DAB1: variants seen among roughly 807,000 people sequenced by gnomAD.
DAB1 encodes disabled homolog 1.
Under a neutral mutation model 64.6 loss-of-function variants are expected in DAB1, and 15 were observed. The ratio of observed to expected loss-of-function variants is 0.23; its 90% CI spans 0.16 to 0.36. DAB1 has a LOEUF of 0.36. Among genes scored for constraint, DAB1 ranks in the 10% least tolerant of loss-of-function variants. The pLI is 1.00. For missense variants in DAB1, 596 were observed against 706.7 expected (o/e 0.84, Z 1.78); for synonymous variants, 235 against 251.9 (o/e 0.93, Z 0.64).
rs1402252006 is a variant in DAB1, at chr1:58,249,432, A to T, written n.309+93920T>A. 4.0e-5 allele frequency among the ~76,000 whole-genome samples: 6 copies of T among 151,678 alleles called. 1 individual carries two copies. In the South Asian group the frequency reaches 1.0e-3, roughly 26 times the overall value. On this transcript the variant is annotated intron_variant and non_coding_transcript_variant, in intron 4 of 20. Transcript: ENST00000485760. ...GCCTAATTGGTCACTAATCTAATTG[A>T]TCAATCATCTCATTTTTCAAAGCAG...
intron 7 of DAB1, among the ~76,000 whole-genome samples, chr1:57,612,418 G>A (rs1022974287): frequency 6.6e-6 from 1 of 152,046 alleles, no homozygotes; most frequent in East Asian, 1.9e-4. Context: ...GAATTATCTG[G>A]GTGGGCCCAA....
intron 8 of DAB1, 82 bp from the exon 9 acceptor site, chr1:57,063,025 A>C: frequency 8.0e-7 from 1 of 1,248,042 alleles, no homozygotes; most frequent in Non-Finnish European, 1.2e-6. Context: ...CTTCAACTGC[A>C]AGCTGGCTAA....
chr1:58,298,521 C>T (rs1050031695), intron 4 of DAB1, among the ~76,000 whole-genome samples: 1 of 152,246 alleles, frequency 6.6e-6, no homozygotes, highest in Non-Finnish European at 1.5e-5. Context: ...ACAACATGTA[C>T]AGCCTGCAGA....
intron 4 of DAB1, among the ~76,000 whole-genome samples, chr1:58,152,899 C>G (rs1460383019): frequency 2.0e-5 from 3 of 152,128 alleles, no homozygotes; most frequent in Non-Finnish European, 2.9e-5. Flanking sequence ...GTGGCCGGTC[C>G]AAATCACACA....
chr1:58,351,973 C>T (rs974398482), intron 3 of DAB1, among the ~76,000 whole-genome samples: 1 of 150,962 alleles, frequency 6.6e-6, no homozygotes, highest in Non-Finnish European at 1.5e-5. Flanking sequence ...AGTGAAATGA[C>T]TGAATTGCAC....
intron 5 of DAB1, among the ~76,000 whole-genome samples, chr1:58,118,648 G>A (rs894409618): frequency 1.4e-5 from 2 of 139,708 alleles, no homozygotes; most frequent in African/African-American, 5.4e-5. Flanking sequence ...TAAAGATCCT[G>A]TAGCAATACA....
chr1:57,243,410 C>T (rs1269610811), intron 2 of DAB1, among the ~76,000 whole-genome samples: 1 of 152,058 alleles, frequency 6.6e-6, no homozygotes, highest in Non-Finnish European at 1.5e-5. Context: ...ACTTTTTGCC[C>T]CTCAACTCTC....
At chr1:58,287,331 A>T (rs544861380) in intron 4 of DAB1, among the ~76,000 whole-genome samples, 5 of 152,288 alleles carry the variant, frequency 3.3e-5, no homozygotes, top group African/African-American at 4.8e-5. Context: ...CTTAAAATTT[A>T]AAAAAAGATA....
chr1:58,089,033 A>G (rs556815257), intron 5 of DAB1, among the ~76,000 whole-genome samples: 1 of 152,374 alleles, frequency 6.6e-6, no homozygotes, highest in South Asian at 2.1e-4. Flanking sequence ...ACAACGCAGC[A>G]AAATAGGGCA....
chr1:57,485,984 T>C (rs1003081529), intron 7 of DAB1, among the ~76,000 whole-genome samples: 1 of 152,212 alleles, frequency 6.6e-6, no homozygotes, highest in African/African-American at 2.4e-5. Flanking sequence ...CACTGTCTCC[T>C]CTAAGATTTG....
At chr1:57,625,405 G>A (rs1471788654) in intron 7 of DAB1, among the ~76,000 whole-genome samples, 1 of 152,096 alleles carries the variant, frequency 6.6e-6, no homozygotes, top group African/African-American at 2.4e-5. Flanking sequence ...CACTGGGCTA[G>A]GCACTAGCAG....
chr1:57,697,865 T>G (rs1233685272), intron 6 of DAB1, among the ~76,000 whole-genome samples: 1 of 152,128 alleles, frequency 6.6e-6, no homozygotes, highest in Non-Finnish European at 1.5e-5. Context: ...GTTTTCTCAT[T>G]GCCCACAGGA....
chr1:57,427,878 G>C (rs1191827021), upstream of DAB1, among the ~76,000 whole-genome samples: 1 of 152,036 alleles, frequency 6.6e-6, no homozygotes, highest in Non-Finnish European at 1.5e-5. Context: ...TAAGATCTAC[G>C]CTCTTAGGGC....
chr1:57,412,041 C>T (rs1283896061), intron 1 of DAB1, among the ~76,000 whole-genome samples: 3 of 152,204 alleles, frequency 2.0e-5, no homozygotes, highest in Non-Finnish European at 4.4e-5. Flanking sequence ...TCTCACAATG[C>T]TTCAAGCGTT....
chr1:57,886,268 C>T (rs1015777210), upstream of DAB1, among the ~76,000 whole-genome samples: 1 of 151,756 alleles, frequency 6.6e-6, no homozygotes, highest in African/African-American at 2.4e-5. Context: ...AAGCAATTCT[C>T]CTGCCTCAGC....
At chr1:58,018,518 G>A (rs570153866) in intron 5 of DAB1, among the ~76,000 whole-genome samples, 3 of 152,284 alleles carry the variant, frequency 2.0e-5, no homozygotes, top group African/African-American at 2.4e-5. Flanking sequence ...AATGGCTTTA[G>A]TATAAAACCA....
intron 1 of DAB1, among the ~76,000 whole-genome samples, chr1:57,362,385 G>C (rs1679627375): frequency 1.3e-5 from 2 of 151,886 alleles, no homozygotes; most frequent in Admixed American, 1.3e-4. Flanking sequence ...AATTTACTTA[G>C]GAGCATTACT....
At chr1:57,278,953 C>T (rs1333403978) in intron 2 of DAB1, among the ~76,000 whole-genome samples, 1 of 152,182 alleles carries the variant, frequency 6.6e-6, no homozygotes, top group African/African-American at 2.4e-5. Context: ...GAATACATTG[C>T]CTGATACTTA....
chr1:57,323,714 C>G (rs1239445390), intron 1 of DAB1, among the ~76,000 whole-genome samples: 1 of 152,064 alleles, frequency 6.6e-6, no homozygotes, highest in Non-Finnish European at 1.5e-5. Flanking sequence ...AAAATTACAT[C>G]TTTTTAAAAA....
Sources: allele counts gnomAD v4.1 joint callset (sites outside exome capture counted in the v4.1 genomes callset), GRCh38; gene constraint gnomAD v4.1.1; transcripts MANE v1.5; gene names NCBI Gene and HGNC (gene_info 2026-07-23, HGNC 2026-07-21).